Variants in TMEM94 observed in about 807,000 individuals in gnomAD.
TMEM94 encodes transmembrane protein 94, also known as ER Mg2+ ATPase.
TMEM94 carries 81 observed loss-of-function variants against 158.6 expected under a neutral mutation model. That is an observed-to-expected ratio of 0.51 (90% CI 0.43 to 0.61). TMEM94 has a LOEUF of 0.61. Among genes scored for constraint, TMEM94 ranks in the 20% least tolerant of loss-of-function variants. The pLI is 0.00. For synonymous variants in TMEM94, 751 were observed against 730.7 expected (o/e 1.03, Z -0.45); for missense variants, 1,435 against 1,762.0 (o/e 0.81, Z 3.32).
At chr17:75,463,090 A>ACT (rs2050153616) in intron 1 of TMEM94, among the ~76,000 whole-genome samples, 1 of 16,508 alleles carries the variant, frequency 6.1e-5, no homozygotes, top group Non-Finnish European at 1.2e-4. Flanking sequence ...ACACACACAC[A>ACT]CACATATATA....
intron 2 of TMEM94, among the ~76,000 whole-genome samples, chr17:75,479,012 A>G (rs976939035): frequency 1.1e-4 from 17 of 152,316 alleles, no homozygotes; most frequent in Middle Eastern, 3.4e-3. Flanking sequence ...TTCCCTCGCT[A>G]TGCCCTGCCA....
At chr17:75,463,584 G>C (rs2050188843) in intron 1 of TMEM94, among the ~76,000 whole-genome samples, 1 of 152,164 alleles carries the variant, frequency 6.6e-6, no homozygotes, top group Admixed American at 6.5e-5. Context: ...CAGCCTAAAT[G>C]TGAATGAACT....
chr17:75,459,233 C>T (rs2049991477), intron 1 of TMEM94, among the ~76,000 whole-genome samples: 1 of 152,182 alleles, frequency 6.6e-6, no homozygotes, highest in African/African-American at 2.4e-5. Flanking sequence ...AACAGGGAAA[C>T]TGGTGGATAC....
At chr17:75,497,258 C>G in intron 26 of TMEM94, 60 bp downstream of exon 26, 1 of 1,417,532 alleles carries the variant, frequency 7.1e-7, no homozygotes, top group Non-Finnish European at 9.9e-7. Flanking sequence ...CTGGATGTCA[C>G]TGTGCAGCCC....
rs1054890535 is a variant in TMEM94 at position 75,490,072 on chromosome 17, C to T, written c.955-162C>T. ...CCAGCCTGGCGACGGAGCAAGACTC[C>T]GTCTCAAAAAAAAAAAAAAAGAACA... On this transcript the variant is annotated intron_variant, in intron 9 of 31. Transcript: ENST00000314256. The T allele has an allele frequency of 3.2e-4, 299 of 948,322 alleles. 1 individual carries two copies. The highest frequency in any genetic ancestry group is 4.0e-4 in the Non-Finnish European group (278 of 691,718). The allele number at this position is 948,322 out of a possible 1,614,324, so 58.7% of individuals were successfully genotyped here. A position where few individuals can be genotyped will look rare whatever the true frequency, so the allele number is the denominator to read the frequency against.
At chr17:75,467,634 GC>G (rs1336387750) in intron 1 of TMEM94, among the ~76,000 whole-genome samples, 1 of 146,612 alleles carries the variant, frequency 6.8e-6, no homozygotes, top group Non-Finnish European at 1.5e-5. Context: ...CCGGGTTCAC[GC>G]CATTCTCCTG....
rs547767642 is a variant in TMEM94, at chr17:75,496,133, G to C, written c.3053+59G>C. On this transcript the variant is annotated intron_variant, in intron 23 of 31. Coordinates refer to ENST00000314256, the MANE Select transcript of TMEM94 (RefSeq NM_014738.6). ...CTCTACCTCCCAGACCGGAGGATCA[G>C]ATGGGCCTGCGTGGGGCTGGGGGTG... 32 of 1,526,618 alleles carry C rather than the reference G, an allele frequency of 2.1e-5. No individual in the cohort carries two copies. In the Admixed American group the frequency reaches 5.7e-4, roughly 27 times the overall value. The allele number at this position is 1,526,618 out of a possible 1,614,324, so 94.6% of individuals were successfully genotyped here. A position where few individuals can be genotyped will look rare whatever the true frequency, so the allele number is the denominator to read the frequency against.
intron 2 of TMEM94, among the ~76,000 whole-genome samples, chr17:75,480,911 G>A (rs1326056956): frequency 6.6e-6 from 1 of 152,156 alleles, no homozygotes; most frequent in Non-Finnish European, 1.5e-5. Flanking sequence ...ATTCTGTCCT[G>A]GGAACACTCA....
chr17:75,472,694 G>A (rs770626060), intron 2 of TMEM94, among the ~76,000 whole-genome samples: 2 of 152,160 alleles, frequency 1.3e-5, no homozygotes, highest in Non-Finnish European at 2.9e-5. Context: ...CCACAAAACT[G>A]GTCAGTGGTT....
chr17:75,482,533 T>C (rs1459591280), intron 2 of TMEM94, among the ~76,000 whole-genome samples: 1 of 84,740 alleles, frequency 1.2e-5, no homozygotes, highest in Non-Finnish European at 2.1e-5. Flanking sequence ...TATATGTATG[T>C]ATGTATGTAT....
At chr17:75,496,978 A>T in intron 25 of TMEM94, 135 bp from the exon 26 acceptor site, 1 of 1,009,146 alleles carries the variant, frequency 9.9e-7, no homozygotes, top group Non-Finnish European at 1.5e-6. Flanking sequence ...GCAGAAGAGT[A>T]TTCCCTCCGG....
chr17:75,467,265 G>A (rs941833061), intron 1 of TMEM94, among the ~76,000 whole-genome samples: 8 of 151,808 alleles, frequency 5.3e-5, no homozygotes, highest in South Asian at 2.1e-4. Flanking sequence ...GTGAGCCACC[G>A]TACCCAGCCA....
chr17:75,494,006 G>A (rs980877188), intron 18 of TMEM94, 90 bp downstream of exon 18: 19 of 1,286,200 alleles, frequency 1.5e-5, no homozygotes, highest in South Asian at 6.7e-5. Flanking sequence ...GGAGGGCCCC[G>A]GCACCCCCCA....
In TMEM94 at chr17:75,497,279, A is replaced by G. The variant is rs796227256; in HGVS notation, c.3407+81A>G. ...GTCACTGTGCAGCCCCAGGAGCCCA[A>G]GGTTCTGGAACTGCTCAGGTCTCAC... On this transcript the variant is annotated intron_variant, in intron 26 of 31. Coordinates refer to ENST00000314256, the MANE Select transcript of TMEM94 (RefSeq NM_014738.6). 78 of 1,197,878 alleles carry G rather than the reference A, an allele frequency of 6.5e-5. 1 individual carries two copies. In the African/African-American group the frequency reaches 8.6e-4, roughly 13 times the overall value. The allele number at this position is 1,197,878 out of a possible 1,614,324, so 74.2% of individuals were successfully genotyped here. A position where few individuals can be genotyped will look rare whatever the true frequency, so the allele number is the denominator to read the frequency against.
At position 75,489,615 on chromosome 17, in the gene TMEM94, A is replaced by G; in HGVS notation, c.907A>G (p.Ser303Gly). 1 of 1,614,020 alleles carries G rather than the reference A, an allele frequency of 6.2e-7. No individual in the cohort carries two copies. The highest frequency in any genetic ancestry group is 1.1e-5 in the South Asian group (1 of 91,080). Residue 303 changes from serine (S) to glycine (G), a missense_variant, in exon 9 of 32, where the codon AGT (serine) becomes GGT (glycine). By Grantham distance (56) the Ser-to-Gly change is moderately conservative. This residue lies in a region of TMEM94 where 1,051 missense variants were observed against 1,254.4 expected (regional missense o/e 0.84). Transcript: ENST00000314256. The surrounding 1 kb of genome is among the most constrained non-coding windows in gnomAD (Gnocchi z 5.0). ...CACCAATGCCCTGCGCTTCATCTTC[A>G]GTGCCCCGGGGGTCACTTCCTGGCA... ...LITNALRFIF[S>G]APGVTSWQYT...
chr17:75,491,804 T>G lies in TMEM94; in HGVS notation c.1500T>G (p.Tyr500Ter). The G allele has an allele frequency of 1.2e-6, 2 of 1,614,086 alleles. No homozygotes were observed. Among genetic ancestry groups the G allele is most frequent in the Non-Finnish European group, 1.7e-6 (2 of 1,180,028 alleles). ...AGGCTCCCAAGCCCCCCGAGCCCTA[T>G]TCACACCACAAAGCGCATGGCCGCA... is the stretch of plus-strand genomic sequence containing the variant. Reference protein sequence around the residue: ...PGEAPKPPEPYSHHKAHGRSK... With the variant: ...PGEAPKPPEP Residue 500 changes from tyrosine (Y) to a stop codon, truncating the protein, a stop_gained, in exon 14 of 32, where the codon TAT (tyrosine) becomes TAG (stop). Transcript: ENST00000314256. LOFTEE classifies it high-confidence loss of function. This position sits in a 1 kb window ranked among gnomAD's most constrained non-coding sequence, Gnocchi z 5.1.
intron 4 of TMEM94, 82 bp from the exon 5 acceptor site, chr17:75,486,208 G>A: frequency 6.3e-7 from 1 of 1,581,276 alleles, no homozygotes; most frequent in Non-Finnish European, 8.6e-7. Context: ...GACTGGGGTG[G>A]GAAGGGGAGC....
At chr17:75,488,985 GC>G in intron 7 of TMEM94, 75 bp downstream of exon 7, 1 of 1,479,616 alleles carries the variant, frequency 6.8e-7, no homozygotes, top group East Asian at 2.3e-5. Flanking sequence ...CAAGGAAGGG[GC>G]CCCGTTCATC....
chr17:75,476,651 G>C (rs952397524), intron 2 of TMEM94: 21 of 1,534,570 alleles, frequency 1.4e-5, no homozygotes, highest in Non-Finnish European at 1.7e-5. Flanking sequence ...GGTGTTGGAA[G>C]TTCTTGCAGC....
Sources: allele counts gnomAD v4.1 joint callset (sites outside exome capture counted in the v4.1 genomes callset), GRCh38; gene constraint gnomAD v4.1.1; regional missense constraint gnomAD v4.1.1; non-coding constraint Gnocchi (gnomAD v3.1); transcripts MANE v1.5; gene names NCBI Gene and HGNC (gene_info 2026-07-23, HGNC 2026-07-21).